COL6A5: variants seen among roughly 807,000 people sequenced by gnomAD.
The protein encoded by COL6A5 is collagen alpha-5(VI) chain.
A neutral mutation model predicts 65.6 loss-of-function variants in COL6A5; 48 were observed. That is an observed-to-expected ratio of 0.73 (90% confidence interval 0.58 to 0.93). The LOEUF is 0.93. COL6A5 is among the 40% of genes least tolerant of loss of function. COL6A5 has a pLI of 0.00. For missense variants in COL6A5, 914 were observed against 928.3 expected, an observed-to-expected ratio of 0.98 and a Z score of 0.20; for synonymous variants, 291 against 322.8, an observed-to-expected ratio of 0.90 and a Z score of 1.05.
At chr3:130,387,071 C>T (rs1201484423) in intron 5 of COL6A5, among the ~76,000 whole-genome samples, 2 of 152,094 alleles carry the variant, frequency 1.3e-5, no homozygotes, top group East Asian at 1.9e-4. Context: ...ATCCTCAACA[C>T]ATAGCTTCCA....
intron 4 of COL6A5, among the ~76,000 whole-genome samples, chr3:130,452,789 G>T (rs1032963702): frequency 6.6e-6 from 1 of 152,140 alleles, no homozygotes; most frequent in African/African-American, 2.4e-5. Flanking sequence ...CACTATGGGA[G>T]ACTGGGGCTT....
At chr3:130,466,684 C>T (rs1469207940) in intron 5 of COL6A5, among the ~76,000 whole-genome samples, 1 of 151,782 alleles carries the variant, frequency 6.6e-6, no homozygotes, top group African/African-American at 2.4e-5. Flanking sequence ...AAAGTTGTTT[C>T]TTTGAGAAGA....
exon 6 of COL6A5, chr3:130,469,292 T>A (rs755654957): frequency 6.2e-7 from 1 of 1,612,984 alleles, no homozygotes; most frequent in Non-Finnish European, 8.5e-7. Context: ...AAGGAATGTG[T>A]CTCTGAGAGC....
In COL6A5 at chr3:130,394,941, G is replaced by A. The variant is rs1465491398; in HGVS notation, c.3044G>A (p.Arg1015Lys). The change falls in exon 8 of 42, where the codon AGG becomes AAG. Residue 1015 changes from arginine (R) to lysine (K), a missense_variant and NMD_transcript_variant. Physicochemically the swap from Arg to Lys is conservative, Grantham distance 26. Transcript: ENST00000312481. ...ATTTTCCTTTGCGATGGCTCTGACA[G>A]GGTATCTAATTCAGATTTTGTAACC... 2.6e-6 allele frequency: 4 copies of A among 1,551,428 alleles called. No homozygotes were observed. In the African/African-American group the frequency reaches 5.5e-5, roughly 21 times the overall value.
intron 3 of COL6A5, among the ~76,000 whole-genome samples, chr3:130,442,779 A>G (rs1709215700): frequency 6.6e-6 from 1 of 152,222 alleles, no homozygotes; most frequent in African/African-American, 2.4e-5. Context: ...AATAGAAAAA[A>G]GGAAAGAAAT....
At chr3:130,370,348 A>G (rs1195009452) in intron 1 of COL6A5, among the ~76,000 whole-genome samples, 1 of 152,168 alleles carries the variant, frequency 6.6e-6, no homozygotes, top group Non-Finnish European at 1.5e-5. Flanking sequence ...TACAAAAGAG[A>G]CAGGTTGAGC....
At chr3:130,440,904 A>T in intron 3 of COL6A5, 79 bp downstream of exon 35, 2 of 1,027,532 alleles carry the variant, frequency 1.9e-6, no homozygotes, top group South Asian at 3.3e-5. Context: ...CTATTTTTGT[A>T]TCTATAGCTA....
intron 4 of COL6A5, among the ~76,000 whole-genome samples, chr3:130,384,471 G>C (rs1936110447): frequency 6.6e-6 from 1 of 151,988 alleles, no homozygotes; most frequent in African/African-American, 2.4e-5. Flanking sequence ...GAAATGATAG[G>C]ACATAAACTG....
intron 1 of COL6A5, among the ~76,000 whole-genome samples, chr3:130,372,600 C>T (rs967817978): frequency 6.6e-6 from 1 of 152,054 alleles, no homozygotes; most frequent in Non-Finnish European, 1.5e-5. Flanking sequence ...TCTGTTTATA[C>T]AAAATGTCCA....
chr3:130,440,677 G>A (rs1365978223), exon 3 of COL6A5: 12 of 1,613,524 alleles, frequency 7.4e-6, no homozygotes, highest in Admixed American at 3.3e-5. Context: ...TCATATTTGT[G>A]ATTTCTCTGG....
chr3:130,375,149 G>GCAC (rs911104538), intron 2 of COL6A5, among the ~76,000 whole-genome samples: 1 of 152,108 alleles, frequency 6.6e-6, no homozygotes, highest in Non-Finnish European at 1.5e-5. Flanking sequence ...TCTGGCTGAT[G>GCAC]CACCCACCTC....
chr3:130,390,668 G>C (rs879904931), intron 6 of COL6A5, among the ~76,000 whole-genome samples: 4 of 152,146 alleles, frequency 2.6e-5, no homozygotes, highest in Non-Finnish European at 5.9e-5. Flanking sequence ...ACTGCAGAGA[G>C]ACATGATAAA....
At chr3:130,456,411 T>C (rs996093922) in intron 5 of COL6A5, among the ~76,000 whole-genome samples, 10 of 152,034 alleles carry the variant, frequency 6.6e-5, no homozygotes, top group African/African-American at 1.9e-4. Context: ...AGGGTAACTA[T>C]AGTCAATAAT....
chr3:130,474,068 C>T (rs1327132365), intron 7 of COL6A5, among the ~76,000 whole-genome samples: 3 of 152,064 alleles, frequency 2.0e-5, no homozygotes, highest in South Asian at 2.1e-4. Context: ...CAGTCTGTCA[C>T]ATTTATGGCC....
At chr3:130,431,470 T>C (rs528490797) in exon 1 of COL6A5, 2 of 1,547,934 alleles carry the variant, frequency 1.3e-6, no homozygotes, top group East Asian at 2.4e-5. Context: ...TCTAGAAAAA[T>C]GTCCAGCATA....
intron 5 of COL6A5, among the ~76,000 whole-genome samples, chr3:130,467,622 C>A (rs1709847988): frequency 6.6e-6 from 1 of 152,000 alleles, no homozygotes; most frequent in Non-Finnish European, 1.5e-5. Context: ...GGAATTTATA[C>A]TGGAAGGCAG....
chr3:130,436,655 T>A (rs559018812), intron 1 of COL6A5, among the ~76,000 whole-genome samples: 4,956 of 152,274 alleles, frequency 0.033, 106 homozygotes, highest in South Asian at 0.091. Context: ...GTATACAACA[T>A]TGTTGATCTT....
At chr3:130,467,163 A>G (rs1709836751) in intron 5 of COL6A5, among the ~76,000 whole-genome samples, 1 of 151,958 alleles carries the variant, frequency 6.6e-6, no homozygotes, top group Non-Finnish European at 1.5e-5. Flanking sequence ...TACATGTGAT[A>G]TTTTGATAGA....
rs75007671 is a variant in COL6A5 at position 130,353,386 on chromosome 3, G to T, written c.-29+7405G>T. Among the ~76,000 whole-genome samples, 1,512 of 152,248 alleles carry T rather than the reference G, an allele frequency of 9.9e-3. 16 individuals carry two copies. The highest frequency in any genetic ancestry group is 0.081 in the South Asian group (389 of 4,822). On this transcript the variant is annotated intron_variant and NMD_transcript_variant, in intron 1 of 41. Coordinates refer to the COL6A5 transcript ENST00000312481. ...AAGCATTTGTTACGTGCAAAACAAA[G>T]ATCAAGAATTGTTTCAGTCAACAAA...
Sources: gnomAD v4.1 joint callset for allele counts (sites outside exome capture counted in the v4.1 genomes callset) on GRCh38, gnomAD v4.1.1 for gene constraint, MANE v1.5 for transcripts, NCBI Gene and HGNC (gene_info 2026-07-23, HGNC 2026-07-21) for gene names.